Variants in DNAH1 observed in about 807,000 individuals in gnomAD.
DNAH1 encodes the protein dynein axonemal heavy chain 1.
In DNAH1, 327 loss-of-function variants were observed where a neutral mutation model predicts 484.3. The ratio of observed to expected loss-of-function variants is 0.68; its 90% confidence interval spans 0.62 to 0.74. The LOEUF is 0.74. DNAH1 is among the 30% of genes least tolerant of loss of function. The pLI, the probability that DNAH1 is intolerant of heterozygous loss-of-function variation, is 0.00. For synonymous variants in DNAH1, 2,192 were observed against 2,191.9 expected, an observed-to-expected ratio of 1.00 and a Z score of 0.00; for missense variants, 5,052 against 5,546.8, an observed-to-expected ratio of 0.91 and a Z score of 2.83.
upstream of DNAH1, among the ~76,000 whole-genome samples, chr3:52,314,930 A>G (rs536205845): frequency 2.3e-4 from 35 of 152,366 alleles, no homozygotes; most frequent in East Asian, 1.2e-3. Flanking sequence ...TCAGTCCACC[A>G]GCCCCGGAGA....
rs1208463216 is a variant in DNAH1 at position 52,375,250 on chromosome 3, G to A, written c.6996G>A (p.Lys2332=). 1 of 1,606,352 alleles carries A rather than the reference G, an allele frequency of 6.2e-7. No individual in the cohort carries two copies. Residue 2332 remains lysine, a synonymous_variant, in exon 45 of 78, where the codon AAG becomes AAA. Coordinates refer to ENST00000420323, the MANE Select transcript of DNAH1 (RefSeq NM_015512.5). Reference sequence around the variant, plus strand: ...CTGCCCCTACTCCAGGTGCCTTCAAGAACCTAGTGGACATCAACTTTGTCT... The same window carrying A: ...CTGCCCCTACTCCAGGTGCCTTCAAAAACCTAGTGGACATCAACTTTGTCT... ...WYDRKIIGAF[K]NLVDINFVCA...
rs1346250898 is a variant in DNAH1 at position 52,362,535 on chromosome 3, C to G, written c.5094+34C>G. The G allele has an allele frequency of 3.3e-5, 52 of 1,580,214 alleles. No homozygotes were observed. The highest frequency in any genetic ancestry group is 4.2e-5 in the Non-Finnish European group (49 of 1,156,412). On this transcript the variant is annotated intron_variant, in intron 31 of 77. Transcript: ENST00000420323. This position sits in a 1 kb window ranked among gnomAD's most constrained non-coding sequence, Gnocchi z 5.1. ...AGGCCCAGAGTGGCCCAGGAAGCACCAGAGCTCTAGCCTGAGTTCAGAGAT... is the reference window on the plus strand; with the variant it reads ...AGGCCCAGAGTGGCCCAGGAAGCACGAGAGCTCTAGCCTGAGTTCAGAGAT...
In DNAH1 at chr3:52,397,812, C is replaced by G; in HGVS notation, c.11893C>G (p.Leu3965Val). ...CTTTGCCCAGAACGAGACGTTCGCC[C>G]TCCTGGGCACCATCATCCAGCTGCA... is the stretch of plus-strand genomic sequence containing the variant. Reference protein sequence around the residue: ...ITFAQNETFALLGTIIQLQPK... With the variant: ...ITFAQNETFAVLGTIIQLQPK... The change falls in exon 74 of 78, where the codon CTC (leucine) becomes GTC (valine). Residue 3965 changes from leucine (L) to valine (V), a missense_variant. By Grantham distance (32) the Leu-to-Val change is conservative. Transcript: ENST00000420323. The G allele has an allele frequency of 6.2e-7, 1 of 1,613,490 alleles. No homozygotes were observed. The highest frequency in any genetic ancestry group is 8.5e-7 in the Non-Finnish European group (1 of 1,179,612).
At position 52,368,927 on chromosome 3, in the gene DNAH1, A is replaced by G; in HGVS notation, c.5943+9A>G. ...TCATCAAGCTCACAGAGGTGCACCT[A>G]CCTGTCCACCTGCCCACTCTCCTCC... On this transcript the variant is annotated intron_variant, in intron 37 of 77. Coordinates refer to ENST00000420323, the MANE Select transcript of DNAH1 (RefSeq NM_015512.5). The surrounding 1 kb of genome is among the most constrained non-coding windows in gnomAD (Gnocchi z 4.4). The G allele has an allele frequency of 3.1e-6, 5 of 1,608,148 alleles. No individual in the cohort carries two copies. Among genetic ancestry groups the G allele is most frequent in the Non-Finnish European group, 4.3e-6 (5 of 1,175,040 alleles).
intron 48 of DNAH1, among the ~76,000 whole-genome samples, chr3:52,380,884 A>C (rs1703814927): frequency 6.6e-6 from 1 of 152,350 alleles, no homozygotes; most frequent in Middle Eastern, 3.4e-3. Flanking sequence ...AGAAAGAAGC[A>C]TTGAATTACA....
At chr3:52,352,729 TG>T in intron 18 of DNAH1, 22 bp downstream of exon 18, 1 of 1,599,094 alleles carries the variant, frequency 6.3e-7, no homozygotes, top group Non-Finnish European at 8.5e-7. Flanking sequence ...GCAGGCACCC[TG>T]CCCCCATGCC....
In DNAH1 at chr3:52,392,948, T is replaced by A; in HGVS notation, c.10397T>A (p.Val3466Glu). 6.2e-7 allele frequency: 1 copy of A among 1,613,592 alleles called. No homozygotes were observed. Among genetic ancestry groups the A allele is most frequent in the African/African-American group, 1.3e-5 (1 of 74,904 alleles). ...TTCTGTGTGTCCGACCTGGCCAACG[T>A]GGACCCCATGTACCAGTACTCCCTT... ...LFFCVSDLAN[V>E]DPMYQYSLEW... is the part of the protein sequence containing the mutation. Residue 3466 changes from valine (V) to glutamate (E), a missense_variant, in exon 65 of 78, where the codon GTG becomes GAG. Val to Glu is a moderately radical substitution (Grantham distance 121, BLOSUM62 -2). Coordinates refer to ENST00000420323, the MANE Select transcript of DNAH1 (RefSeq NM_015512.5).
At position 52,372,292 on chromosome 3, in the gene DNAH1, C is replaced by T; in HGVS notation, c.6732C>T (p.Asn2244=). The T allele has an allele frequency of 6.2e-7, 1 of 1,614,020 alleles. No individual in the cohort carries two copies. The highest frequency in any genetic ancestry group is 8.5e-7 in the Non-Finnish European group (1 of 1,179,888). ...TLTISDKLLK[N]LALDYISHFL... Reference sequence around the variant, plus strand: ...CCATCTCTGACAAGCTCCTCAAGAACCTGGCACTGGATTACATCAGCCACT... The same window carrying T: ...CCATCTCTGACAAGCTCCTCAAGAATCTGGCACTGGATTACATCAGCCACT... Residue 2244 remains asparagine (N), a synonymous_variant, in exon 43 of 78, where the codon AAC becomes AAT. Coordinates refer to ENST00000420323, the MANE Select transcript of DNAH1 (RefSeq NM_015512.5).
At chr3:52,344,877 A>C (rs1702082432) in intron 9 of DNAH1, among the ~76,000 whole-genome samples, 1 of 152,256 alleles carries the variant, frequency 6.6e-6, no homozygotes, top group South Asian at 2.1e-4. Context: ...AGAATAGCAC[A>C]GAAGTTGCAA....
intron 49 of DNAH1, 95 bp from the exon 50 acceptor site, chr3:52,382,225 A>T: frequency 6.3e-7 from 1 of 1,597,350 alleles, no homozygotes; most frequent in Non-Finnish European, 8.5e-7. Context: ...TGGGAGCAGA[A>T]TTCCAGGTGG....
At chr3:52,326,622 G>A in intron 4 of DNAH1, 113 bp from the exon 5 acceptor site, 1 of 1,311,928 alleles carries the variant, frequency 7.6e-7, no homozygotes, top group South Asian at 1.5e-5. Flanking sequence ...GGCTCCAGAG[G>A]GGTCTCTCGG....
At chr3:52,359,220 T>G (rs898165288) in intron 25 of DNAH1, 26 bp from the exon 26 acceptor site, 34 of 1,556,192 alleles carry the variant, frequency 2.2e-5, no homozygotes, top group Non-Finnish European at 2.7e-5. Context: ...GCTGTCCAGG[T>G]CAGCCTGCCC....
At chr3:52,388,709 C>T (rs746415922) in intron 58 of DNAH1, 97 bp from the exon 59 acceptor site, 1 of 1,604,980 alleles carries the variant, frequency 6.2e-7, no homozygotes. Flanking sequence ...CTGTCCACAC[C>T]CCCTCCCTGG....
chr3:52,351,948 C>A lies in DNAH1; in HGVS notation c.2730-14C>A. ...CGCGATATTTCTCCCAATCCCCACC[C>A]CCATCCCGGCCAGATGGATTGCCAG... On this transcript the variant is annotated splice_polypyrimidine_tract_variant and intron_variant, in intron 16 of 77. Coordinates refer to ENST00000420323, the MANE Select transcript of DNAH1 (RefSeq NM_015512.5). The A allele has an allele frequency of 6.3e-7, 1 of 1,596,740 alleles. No homozygotes were observed. The highest frequency in any genetic ancestry group is 1.1e-5 in the South Asian group (1 of 87,566).
chr3:52,391,738 C>T, intron 63 of DNAH1, 135 bp downstream of exon 63: 1 of 1,059,734 alleles, frequency 9.4e-7, no homozygotes. Flanking sequence ...ACCCCAGGCA[C>T]TCACATTCGA....
intron 2 of DNAH1, 46 bp from the exon 3 acceptor site, chr3:52,323,762 C>T: frequency 6.6e-7 from 1 of 1,515,316 alleles, no homozygotes; most frequent in Non-Finnish European, 9.0e-7. Flanking sequence ...TCCTGCCTGT[C>T]CCTGGGAGGT....
chr3:52,373,242 G>A (rs895583990), intron 44 of DNAH1, among the ~76,000 whole-genome samples, 189 bp downstream of exon 44: 1 of 152,176 alleles, frequency 6.6e-6, no homozygotes, highest in African/African-American at 2.4e-5. Context: ...CACGGCTGCC[G>A]CAGCCTCTGG....
chr3:52,351,328 C>T (rs1238585944), intron 16 of DNAH1, among the ~76,000 whole-genome samples: 1 of 152,212 alleles, frequency 6.6e-6, no homozygotes, highest in Non-Finnish European at 1.5e-5. Context: ...CCTTTTCCTG[C>T]CAAGCCTTAC....
In DNAH1 at chr3:52,363,033, C is replaced by A; in HGVS notation, c.5133C>A (p.Tyr1711Ter). ...CCGTGGCCATGATGGTTCCAGATTA[C>A]GCCATGATCACTGAGATCTCCCTCT... ...FRPVAMMVPD[Y>*]AMITEISLYS... Residue 1711 changes from tyrosine to a stop codon, truncating the protein, a stop_gained, in exon 32 of 78, where the codon TAC becomes TAA. Coordinates refer to ENST00000420323, the MANE Select transcript of DNAH1 (RefSeq NM_015512.5). LOFTEE classifies it high-confidence loss of function. 2 of 1,614,020 alleles carry A rather than the reference C, an allele frequency of 1.2e-6. No individual in the cohort carries two copies. The highest frequency in any genetic ancestry group is 1.7e-6 in the Non-Finnish European group (2 of 1,179,878).
Sources: allele counts gnomAD v4.1 joint callset (sites outside exome capture counted in the v4.1 genomes callset), GRCh38; gene constraint gnomAD v4.1.1; non-coding constraint Gnocchi (gnomAD v3.1); transcripts MANE v1.5; gene names NCBI Gene and HGNC (gene_info 2026-07-23, HGNC 2026-07-21).